Variants in ADK observed in about 807,000 individuals in gnomAD.
ADK encodes the protein N6,N6-dimethyladenosine kinase.
ADK carries 24 observed loss-of-function variants against 44.7 expected under a neutral mutation model. That is an observed-to-expected ratio of 0.54 (90% CI 0.39 to 0.76). ADK has a LOEUF of 0.76. Among genes scored for constraint, ADK ranks in the 30% least tolerant of loss-of-function variants. ADK has a pLI of 0.00. For missense variants in ADK, 321 were observed against 425.1 expected, an observed-to-expected ratio of 0.76 and a Z score of 2.15; for synonymous variants, 128 against 142.6, an observed-to-expected ratio of 0.90 and a Z score of 0.73.
chr10:74,501,844 G>C (rs1002866520), intron 6 of ADK, among the ~76,000 whole-genome samples: 3 of 152,160 alleles, frequency 2.0e-5, no homozygotes, highest in South Asian at 4.1e-4. Flanking sequence ...CCAGGGACTT[G>C]TGGGGAGTGA....
intron 4 of ADK, among the ~76,000 whole-genome samples, chr10:74,338,114 T>TAACAACAACAAC (rs77774358): frequency 6.6e-6 from 1 of 150,782 alleles, no homozygotes; most frequent in Non-Finnish European, 1.5e-5. Context: ...ATTTCTAGGA[T>TAACAACAACAAC]AACAACAACA....
At chr10:74,615,693 T>G (rs537701714) in intron 9 of ADK, among the ~76,000 whole-genome samples, 1 of 152,204 alleles carries the variant, frequency 6.6e-6, no homozygotes, top group South Asian at 2.1e-4. Flanking sequence ...GTATTTGTTT[T>G]TTTGTGTGTA....
chr10:74,289,505 AT>A lies in ADK; in HGVS notation c.195-25161del, dbSNP rs113045705. Among the ~76,000 whole-genome samples the A allele has an allele frequency of 5.1e-3, 779 of 152,318 alleles. 11 individuals carry two copies. The highest frequency in any genetic ancestry group is 0.017 in the African/African-American group (714 of 41,580). On this transcript the variant is annotated intron_variant, in intron 3 of 10. Transcript: ENST00000539909. Reference sequence around the variant, plus strand: ...AAGAAAGCTAAAACACTTAAAAAAAATGTACCCTTATTTAAAAAGTAGCATG... The same window carrying A: ...AAGAAAGCTAAAACACTTAAAAAAAAGTACCCTTATTTAAAAAGTAGCATG...
chr10:74,532,706 G>C (rs571947125), intron 7 of ADK, among the ~76,000 whole-genome samples: 2 of 151,866 alleles, frequency 1.3e-5, no homozygotes, highest in Non-Finnish European at 2.9e-5. Flanking sequence ...TTCTAGACCA[G>C]TGTGGCCAAC....
At chr10:74,379,738 C>T (rs1293115315) in intron 4 of ADK, among the ~76,000 whole-genome samples, 1 of 152,148 alleles carries the variant, frequency 6.6e-6, no homozygotes, top group South Asian at 2.1e-4. Flanking sequence ...GTCCTTTTGT[C>T]TATTTAAAAT....
intron 9 of ADK, among the ~76,000 whole-genome samples, chr10:74,658,426 T>C (rs79997644): frequency 0.018 from 2,667 of 152,034 alleles, 70 homozygotes; most frequent in African/African-American, 0.061. Flanking sequence ...GCAGAGGAAA[T>C]CAGTTTTTTG....
intron 3 of ADK, among the ~76,000 whole-genome samples, chr10:74,283,552 C>T (rs1847029889): frequency 6.8e-6 from 1 of 146,978 alleles, no homozygotes; most frequent in East Asian, 2.0e-4. Context: ...CCAGGTTGCT[C>T]ACCAACTCTT....
chr10:74,229,734 A>G (rs1012238315), intron 3 of ADK, among the ~76,000 whole-genome samples: 5 of 152,118 alleles, frequency 3.3e-5, no homozygotes, highest in Non-Finnish European at 7.3e-5. Flanking sequence ...GCTGTGACTT[A>G]GCAGTTCTTT....
chr10:74,364,736 G>GTGTA (rs887977778), intron 4 of ADK, among the ~76,000 whole-genome samples: 8 of 115,560 alleles, frequency 6.9e-5, no homozygotes, highest in African/African-American at 2.4e-4. Context: ...GTGTGTGTGT[G>GTGTA]TGTGTTCTAG....
At chr10:74,514,511 ATTC>A (rs1375218493) in intron 6 of ADK, among the ~76,000 whole-genome samples, 1 of 151,354 alleles carries the variant, frequency 6.6e-6, no homozygotes, top group African/African-American at 2.4e-5. Flanking sequence ...AAGTTCAGAA[ATTC>A]TTCTTCTTGG....
chr10:74,509,832 C>T (rs1016901662), intron 6 of ADK, among the ~76,000 whole-genome samples: 1 of 152,120 alleles, frequency 6.6e-6, no homozygotes, highest in African/African-American at 2.4e-5. Context: ...TGAAAACATA[C>T]CATGTTTAAC....
chr10:74,328,352 C>A (rs887081951), intron 4 of ADK, among the ~76,000 whole-genome samples: 1 of 151,724 alleles, frequency 6.6e-6, no homozygotes, highest in Non-Finnish European at 1.5e-5. Flanking sequence ...ACTATGCTTA[C>A]AATAGGCCGA....
intron 7 of ADK, among the ~76,000 whole-genome samples, chr10:74,580,775 A>G (rs1278943819): frequency 1.3e-5 from 2 of 152,140 alleles, no homozygotes; most frequent in Non-Finnish European, 2.9e-5. Context: ...CAGCATGAAA[A>G]TGGACTAATA....
chr10:74,566,136 C>A (rs1339379934), intron 7 of ADK, among the ~76,000 whole-genome samples: 1 of 151,034 alleles, frequency 6.6e-6, no homozygotes, highest in Non-Finnish European at 1.5e-5. Context: ...TCACTTTCAA[C>A]TTGTTTCTAT....
intron 3 of ADK, among the ~76,000 whole-genome samples, chr10:74,242,005 T>G (rs1404156371): frequency 6.6e-6 from 1 of 152,246 alleles, no homozygotes; most frequent in African/African-American, 2.4e-5. Context: ...AGCCTTTGGT[T>G]TTTGATTTTC....
intron 7 of ADK, among the ~76,000 whole-genome samples, chr10:74,535,783 A>T (rs909437560): frequency 6.6e-6 from 1 of 151,872 alleles, no homozygotes; most frequent in Non-Finnish European, 1.5e-5. Flanking sequence ...GGGTTTTGCC[A>T]TGTTGGCCAG....
chr10:74,175,359 A>G (rs2132064127), intron 1 of ADK, among the ~76,000 whole-genome samples: 1 of 151,830 alleles, frequency 6.6e-6, no homozygotes, highest in African/African-American at 2.4e-5. Flanking sequence ...TGGGCGACAG[A>G]ACAAGACTCC....
At chr10:74,315,458 C>T (rs1283834156) in intron 4 of ADK, among the ~76,000 whole-genome samples, 3 of 152,084 alleles carry the variant, frequency 2.0e-5, no homozygotes, top group Admixed American at 6.6e-5. Flanking sequence ...CTTTGAGTTA[C>T]CAGCTTAACC....
chr10:74,436,662 A>T, intron 6 of ADK, among the ~76,000 whole-genome samples: 1 of 152,212 alleles, frequency 6.6e-6, no homozygotes, highest in East Asian at 1.9e-4. Context: ...TGGTGAAAAG[A>T]TAGCCTTTTC....
Sources: allele counts gnomAD v4.1 joint callset (sites outside exome capture counted in the v4.1 genomes callset), GRCh38; gene constraint gnomAD v4.1.1; transcripts MANE v1.5; gene names NCBI Gene and HGNC (gene_info 2026-07-23, HGNC 2026-07-21).